CNTNAP2: variants seen among roughly 807,000 people sequenced by gnomAD.
CNTNAP2 encodes contactin associated protein 2, also known as contactin-associated protein-like 2.
Under a neutral mutation model 155.2 loss-of-function variants are expected in CNTNAP2, and 98 were observed. The ratio of observed to expected loss-of-function variants is 0.63; its 90% CI spans 0.54 to 0.75. The LOEUF is 0.75. Among genes scored for constraint, CNTNAP2 ranks in the 30% least tolerant of loss-of-function variants. The pLI is 0.00. For synonymous variants in CNTNAP2, 651 were observed against 631.2 expected (o/e 1.03, Z -0.47); for missense variants, 1,727 against 1,688.1 (o/e 1.02, Z -0.40).
At position 146,842,558 on chromosome 7, in the gene CNTNAP2, C is replaced by T. The variant is rs567170112; in HGVS notation, c.402+2654C>T. ...AAAGAGTTTTGATTGACTCACGTTT[C>T]CACAGGCTGTATAGGAAGCATGGCT... On this transcript the variant is annotated intron_variant, in intron 3 of 23. Transcript: ENST00000361727. Among the ~76,000 whole-genome samples the T allele has an allele frequency of 1.2e-4, 18 of 152,208 alleles. No homozygotes were observed. The South Asian group carries it at 3.7e-3, about 32-fold the overall frequency.
chr7:146,567,234 A>G (rs1798370954), intron 1 of CNTNAP2, among the ~76,000 whole-genome samples: 1 of 152,188 alleles, frequency 6.6e-6, no homozygotes, highest in Admixed American at 6.5e-5. Flanking sequence ...CTGCCTTGGC[A>G]TACTGCATTC....
chr7:146,567,402 T>G (rs1798373816), intron 1 of CNTNAP2, among the ~76,000 whole-genome samples: 1 of 152,196 alleles, frequency 6.6e-6, no homozygotes, highest in Non-Finnish European at 1.5e-5. Context: ...GTAGTCAGAT[T>G]TGAAAATCAA....
intron 4 of CNTNAP2, among the ~76,000 whole-genome samples, chr7:147,070,739 G>A (rs1401389942): frequency 6.6e-6 from 1 of 152,178 alleles, no homozygotes; most frequent in Non-Finnish European, 1.5e-5. Flanking sequence ...TTAGAGTACG[G>A]ATTCCATGTC....
chr7:146,380,784 C>CTTTTTTTTTT lies in CNTNAP2; in HGVS notation c.97+263835_97+263844dup, dbSNP rs56886106. Reference sequence around the variant, plus strand: ...ATATTTCTTGCTTCTTATGCACGTTCTTTTTTTTTTTTTTTTTTTTTTTTT... The same window carrying CTTTTTTTTTT: ...ATATTTCTTGCTTCTTATGCACGTTCTTTTTTTTTTTTTTTTTTTTTTTTTTTTTTTTTTT... On this transcript the variant is annotated intron_variant, in intron 1 of 23. Transcript: ENST00000361727. Among the ~76,000 whole-genome samples, 23 of 38,820 alleles carry CTTTTTTTTTT rather than the reference C, an allele frequency of 5.9e-4. 2 individuals carry two copies. Among genetic ancestry groups the CTTTTTTTTTT allele is most frequent in the African/African-American group, 1.7e-3 (22 of 12,770 alleles). 25.5% of individuals were successfully genotyped at this position (38,820 alleles called of 152,430 possible).
At chr7:148,096,271 A>G (rs1337801389) in intron 15 of CNTNAP2, among the ~76,000 whole-genome samples, 1 of 134,300 alleles carries the variant, frequency 7.4e-6, no homozygotes, top group South Asian at 2.7e-4. Flanking sequence ...TTCTGCGTGC[A>G]TGCATGCATG....
intron 8 of CNTNAP2, among the ~76,000 whole-genome samples, chr7:147,179,837 T>C (rs1416276101): frequency 6.6e-6 from 1 of 152,156 alleles, no homozygotes; most frequent in Non-Finnish European, 1.5e-5. Context: ...GTTATATGGG[T>C]ACTAGAGTAA....
intron 1 of CNTNAP2, among the ~76,000 whole-genome samples, chr7:146,702,434 C>A (rs1338528637): frequency 6.6e-6 from 1 of 152,114 alleles, no homozygotes; most frequent in Non-Finnish European, 1.5e-5. Context: ...GAAAAGCATT[C>A]TATCTAGAAA....
Position 147,011,225 on chromosome 7 carries a change from A to G in CNTNAP2, c.403-32682A>G, listed in dbSNP as rs373038164. Among the ~76,000 whole-genome samples, 497 of 151,862 alleles carry G rather than the reference A, an allele frequency of 3.3e-3. 1 individual carries two copies. Among genetic ancestry groups the G allele is most frequent in the African/African-American group, 0.011 (470 of 41,432 alleles). Reference sequence around the variant, plus strand: ...GGTCATCAGTTCAGGACCATTTTGGACAACATCATGAAACCCCGTCTCTAC... The same window carrying G: ...GGTCATCAGTTCAGGACCATTTTGGGCAACATCATGAAACCCCGTCTCTAC... On this transcript the variant is annotated intron_variant, in intron 3 of 23. Coordinates refer to ENST00000361727, the MANE Select transcript of CNTNAP2 (RefSeq NM_014141.6).
At chr7:147,270,161 A>T (rs1804711117) in intron 8 of CNTNAP2, among the ~76,000 whole-genome samples, 1 of 152,214 alleles carries the variant, frequency 6.6e-6, no homozygotes, top group Admixed American at 6.5e-5. Context: ...TTTCAATGAA[A>T]GCAAAAAGTC....
chr7:147,023,225 A>G (rs376757386), intron 3 of CNTNAP2, among the ~76,000 whole-genome samples: 3 of 152,142 alleles, frequency 2.0e-5, no homozygotes, highest in Non-Finnish European at 2.9e-5. Flanking sequence ...TTCCAGTTGC[A>G]TGCTTGTTTC....
At chr7:147,801,890 A>T (rs1193868642) in intron 13 of CNTNAP2, among the ~76,000 whole-genome samples, 2 of 149,346 alleles carry the variant, frequency 1.3e-5, no homozygotes, top group East Asian at 2.0e-4. Context: ...CTCACTTCCC[A>T]GTAGGGGCAG....
chr7:147,362,939 A>G (rs1796169343), intron 9 of CNTNAP2, among the ~76,000 whole-genome samples: 1 of 152,228 alleles, frequency 6.6e-6, no homozygotes, highest in Non-Finnish European at 1.5e-5. Flanking sequence ...ACTTCAAGAC[A>G]GAGTTGATAA....
chr7:146,811,603 T>C (rs1803067595), intron 2 of CNTNAP2, among the ~76,000 whole-genome samples: 1 of 152,130 alleles, frequency 6.6e-6, no homozygotes, highest in Non-Finnish European at 1.5e-5. Context: ...ATCTTTTCTA[T>C]AGGCTTTTCT....
chr7:146,151,651 T>C (rs868574618), intron 1 of CNTNAP2, among the ~76,000 whole-genome samples: 670 of 20,900 alleles, frequency 0.032, 15 homozygotes, highest in South Asian at 0.13. Context: ...TATATATATA[T>C]ATATATATAT....
At chr7:147,667,377 TA>T (rs1795712734) in intron 13 of CNTNAP2, among the ~76,000 whole-genome samples, 2 of 152,296 alleles carry the variant, frequency 1.3e-5, no homozygotes, top group Non-Finnish European at 1.5e-5. Context: ...GTCAGGTTTT[TA>T]AGGACAGAAT....
intron 7 of CNTNAP2, among the ~76,000 whole-genome samples, chr7:147,131,979 A>G (rs905011618): frequency 6.6e-6 from 1 of 152,040 alleles, no homozygotes; most frequent in African/African-American, 2.4e-5. Context: ...AGCCTATCAC[A>G]TCAGGCTGTC....
At chr7:146,871,194 C>T (rs1795298614) in intron 3 of CNTNAP2, among the ~76,000 whole-genome samples, 1 of 152,112 alleles carries the variant, frequency 6.6e-6, no homozygotes, top group Admixed American at 6.6e-5. Flanking sequence ...ACAGGCACAT[C>T]TAGGGGCATT....
chr7:148,019,256 G>A (rs1033013173), intron 15 of CNTNAP2, among the ~76,000 whole-genome samples: 12 of 152,126 alleles, frequency 7.9e-5, no homozygotes, highest in Non-Finnish European at 1.8e-4. Flanking sequence ...TTCCTCAGAG[G>A]GGACCTCCTA....
chr7:147,756,653 TG>T (rs1797217292), intron 13 of CNTNAP2, among the ~76,000 whole-genome samples: 1 of 152,190 alleles, frequency 6.6e-6, no homozygotes, highest in African/African-American at 2.4e-5. Context: ...AATACTACTT[TG>T]AATAATACAA....
Sources: allele counts gnomAD v4.1 joint callset (sites outside exome capture counted in the v4.1 genomes callset), GRCh38; gene constraint gnomAD v4.1.1; transcripts MANE v1.5; gene names NCBI Gene and HGNC (gene_info 2026-07-23, HGNC 2026-07-21).